The following CLDN4 variants were observed in gnomAD, a reference collection of about 807,000 sequenced individuals.
CLDN4 encodes claudin-4.
Under a neutral mutation model 13.7 loss-of-function variants are expected in CLDN4, and 12 were observed. The observed-to-expected ratio is 0.88, with a 90% CI of 0.56 to 1.42. The LOEUF (loss-of-function observed/expected upper bound fraction) is 1.42, where lower values mean the gene tolerates loss of function less well. CLDN4 is among the 40% of genes most tolerant of loss of function. The pLI is 0.00. For synonymous variants in CLDN4, 152 were observed against 140.6 expected, an observed-to-expected ratio of 1.08 and a Z score of -0.57; for missense variants, 252 against 297.4, an observed-to-expected ratio of 0.85 and a Z score of 1.12.
In CLDN4 at chr7:73,831,893, G is replaced by A; in HGVS notation, c.*62G>A. ...TCTTCCCTGGACTGAGCTCAGCGCAGGCTGTGACCCCAGGAGGGCCCTGCC... is the reference window on the plus strand; with the variant it reads ...TCTTCCCTGGACTGAGCTCAGCGCAAGCTGTGACCCCAGGAGGGCCCTGCC... On this transcript the variant is annotated 3_prime_UTR_variant, in exon 1 of 1. Transcript: ENST00000340958. 6.6e-7 allele frequency: 1 copy of A among 1,516,184 alleles called. No individual in the cohort carries two copies. Among genetic ancestry groups the A allele is most frequent in the Non-Finnish European group, 8.8e-7 (1 of 1,131,690 alleles). The allele number at this position is 1,516,184 out of a possible 1,614,324, so 93.9% of individuals were successfully genotyped here. A position where few individuals can be genotyped will look rare whatever the true frequency, so the allele number is the denominator to read the frequency against.
chr7:73,831,211 A>G lies in CLDN4; in HGVS notation c.10A>G (p.Met4Val). MAS[M>V]GLQVMGIALA... ...CCGTGGACGCTGAACAATGGCCTCC[A>G]TGGGGCTACAGGTAATGGGCATCGC... The change falls in exon 1 of 1, where the codon ATG (methionine) becomes GTG (valine). Residue 4 changes from methionine to valine, a missense_variant. Met to Val is a conservative substitution (Grantham distance 21, BLOSUM62 1). Transcript: ENST00000340958. 6.4e-6 allele frequency: 10 copies of G among 1,563,212 alleles called. No individual in the cohort carries two copies. The highest frequency in any genetic ancestry group is 8.7e-6 in the Non-Finnish European group (10 of 1,150,654).
At position 73,831,775 on chromosome 7, in the gene CLDN4, C is replaced by G. The variant is rs782320250; in HGVS notation, c.574C>G (p.Pro192Ala). Residue 192 changes from proline (P) to alanine (A), a missense_variant, in exon 1 of 1, where the codon CCT becomes GCT. By Grantham distance (27) the Pro-to-Ala change is conservative. Transcript: ENST00000340958. ...CAACTGTCCACCCCGCACAGACAAG[C>G]CTTACTCCGCCAAGTATTCTGCTGC... ...CCNCPPRTDK[P>A]YSAKYSAARS... 3.1e-6 allele frequency: 5 copies of G among 1,596,762 alleles called. No individual in the cohort carries two copies. In the South Asian group the frequency reaches 5.6e-5, roughly 18 times the overall value.
chr7:73,832,214 TCTC>T lies in CLDN4; in HGVS notation c.*387_*389del, dbSNP rs1482627622. 10 of 229,326 alleles carry T rather than the reference TCTC, an allele frequency of 4.4e-5. No homozygotes were observed. In the East Asian group the frequency reaches 8.9e-4, roughly 20 times the overall value. The allele number at this position is 229,326 out of a possible 1,614,324, so 14.2% of individuals were successfully genotyped here. A position where few individuals can be genotyped will look rare whatever the true frequency, so the allele number is the denominator to read the frequency against. ...ATTTTCCCCACTCTGTCTGCCTGCA[TCTC>T]CTCTGTTCCGGGTAGGCCTTGATAT... On this transcript the variant is annotated 3_prime_UTR_variant, in exon 1 of 1. Coordinates refer to ENST00000340958, the MANE Select transcript of CLDN4 (RefSeq NM_001305.5).
In CLDN4 at chr7:73,831,562, G is replaced by A. The variant is rs1265038600; in HGVS notation, c.361G>A (p.Ala121Thr). ...CGCCAAGGCCAAGACCATGATCGTG[G>A]CGGGCGTGGTGTTCCTGTTGGCCGG... ...ESAKAKTMIV[A>T]GVVFLLAGLM... The change falls in exon 1 of 1, where the codon GCG becomes ACG. Residue 121 changes from alanine (A) to threonine (T), a missense_variant. By Grantham distance (58) the Ala-to-Thr change is moderately conservative (BLOSUM62 0). Coordinates refer to ENST00000340958, the MANE Select transcript of CLDN4 (RefSeq NM_001305.5). The A allele has an allele frequency of 6.2e-7, 1 of 1,614,058 alleles. No individual in the cohort carries two copies. The highest frequency in any genetic ancestry group is 2.2e-5 in the East Asian group (1 of 44,898).
In CLDN4 at chr7:73,831,431, T is replaced by A; in HGVS notation, c.230T>A (p.Leu77Gln). Residue 77 changes from leucine (L) to glutamine (Q), a missense_variant, in exon 1 of 1, where the codon CTG becomes CAG. Leu to Gln is a moderately radical substitution (Grantham distance 113). Coordinates refer to ENST00000340958, the MANE Select transcript of CLDN4 (RefSeq NM_001305.5). ...TCGCTGCTGGCACTGCCGCAGGACCTGCAGGCGGCCCGCGCCCTCGTCATC... is the reference window on the plus strand; with the variant it reads ...TCGCTGCTGGCACTGCCGCAGGACCAGCAGGCGGCCCGCGCCCTCGTCATC... ...YDSLLALPQDLQAARALVIIS... is the reference protein window; with the variant it reads ...YDSLLALPQDQQAARALVIIS... The A allele has an allele frequency of 1.2e-6, 2 of 1,614,164 alleles. No homozygotes were observed. Among genetic ancestry groups the A allele is most frequent in the Non-Finnish European group, 1.7e-6 (2 of 1,180,028 alleles).
Position 73,831,108 on chromosome 7 carries a change from A to G in CLDN4, c.-94A>G. ...CACGGTGCAAAGGTGCACTCTGCGA[A>G]CGTTAAGTCCGTCCCCAGCGCTTGG... On this transcript the variant is annotated 5_prime_UTR_variant, in exon 1 of 1. Coordinates refer to ENST00000340958, the MANE Select transcript of CLDN4 (RefSeq NM_001305.5). 1 of 1,441,648 alleles carries G rather than the reference A, an allele frequency of 6.9e-7. No homozygotes were observed. Among genetic ancestry groups the G allele is most frequent in the Non-Finnish European group, 9.3e-7 (1 of 1,078,938 alleles). The allele number at this position is 1,441,648 out of a possible 1,614,324, so 89.3% of individuals were successfully genotyped here. A position where few individuals can be genotyped will look rare whatever the true frequency, so the allele number is the denominator to read the frequency against.
rs1788017345 is a variant in CLDN4, at chr7:73,831,043, T to G, written c.-159T>G. 1 of 863,524 alleles carries G rather than the reference T, an allele frequency of 1.2e-6. No homozygotes were observed. Among genetic ancestry groups the G allele is most frequent in the Admixed American group, 2.6e-5 (1 of 38,262 alleles). The allele number at this position is 863,524 out of a possible 1,614,324, so 53.5% of individuals were successfully genotyped here. A position where few individuals can be genotyped will look rare whatever the true frequency, so the allele number is the denominator to read the frequency against. ...CTGGAAGGAACTGGTCTGCTCACAC[T>G]TGCTGGCTTGCGCATCAGGACTGGC... On this transcript the variant is annotated 5_prime_UTR_variant, in exon 1 of 1. Transcript: ENST00000340958.
At position 73,832,023 on chromosome 7, in the gene CLDN4, CG is replaced by C; in HGVS notation, c.*193del. 1.6e-6 allele frequency: 1 copy of C among 643,454 alleles called. No homozygotes were observed. Among genetic ancestry groups the C allele is most frequent in the African/African-American group, 1.8e-5 (1 of 54,950 alleles). The allele number at this position is 643,454 out of a possible 1,614,324, so 39.9% of individuals were successfully genotyped here. ...GCCCACTCGGACAACTTCCCAAGGCCGCCTCCTGCTAGCAAGAACAGAGTCC... is the reference window on the plus strand; with the variant it reads ...GCCCACTCGGACAACTTCCCAAGGCCCCTCCTGCTAGCAAGAACAGAGTCC... On this transcript the variant is annotated 3_prime_UTR_variant, in exon 1 of 1. Transcript: ENST00000340958.
Position 73,832,440 on chromosome 7 carries a change from A to G in CLDN4, c.*609A>G. 1 of 167,860 alleles carries G rather than the reference A, an allele frequency of 6.0e-6. No homozygotes were observed. 10.4% of individuals were successfully genotyped at this position (167,860 alleles called of 1,614,324 possible). ...TCAGGTTGCCCAGCTCTGTGGCCTC[A>G]GGACTCTCTGCCTCACCCGCTTCAG... On this transcript the variant is annotated 3_prime_UTR_variant, in exon 1 of 1. Coordinates refer to ENST00000340958, the MANE Select transcript of CLDN4 (RefSeq NM_001305.5).
In CLDN4 at chr7:73,831,279, G is replaced by A. The variant is rs377764675; in HGVS notation, c.78G>A (p.Ala26=). ...GGCTGGCCGTCATGCTGTGCTGCGC[G>A]CTGCCCATGTGGCGCGTGACGGCCT... The part of the protein sequence containing the change: ...LGWLAVMLCC[A]LPMWRVTAFI... The change falls in exon 1 of 1, where the codon GCG becomes GCA. Residue 26 remains alanine, a synonymous_variant. Coordinates refer to ENST00000340958, the MANE Select transcript of CLDN4 (RefSeq NM_001305.5). 6.2e-6 allele frequency: 10 copies of A among 1,612,650 alleles called. No homozygotes were observed. Among genetic ancestry groups the A allele is most frequent in the African/African-American group, 1.3e-5 (1 of 74,930 alleles).
rs782093339 is a variant in CLDN4, at chr7:73,831,188, G to A, written c.-14G>A. ...TCAGCCTTCCAGGTCCTCAACTCCCGTGGACGCTGAACAATGGCCTCCATG... is the reference window on the plus strand; with the variant it reads ...TCAGCCTTCCAGGTCCTCAACTCCCATGGACGCTGAACAATGGCCTCCATG... On this transcript the variant is annotated 5_prime_UTR_variant, in exon 1 of 1. In the 5' UTR this introduces an upstream ATG that the reference lacks. Coordinates refer to ENST00000340958, the MANE Select transcript of CLDN4 (RefSeq NM_001305.5). 22 of 1,540,202 alleles carry A rather than the reference G, an allele frequency of 1.4e-5. No individual in the cohort carries two copies. Among genetic ancestry groups the A allele is most frequent in the South Asian group, 1.3e-4 (10 of 79,716 alleles).
chr7:73,831,003 C>T lies in CLDN4; in HGVS notation c.-199C>T. Reference sequence around the variant, plus strand: ...TCAACCTGTCCCCGAGAGAGAGTGCCCTGGCAGCTGTCGGCTGGAAGGAAC... The same window carrying T: ...TCAACCTGTCCCCGAGAGAGAGTGCTCTGGCAGCTGTCGGCTGGAAGGAAC... On this transcript the variant is annotated 5_prime_UTR_variant, in exon 1 of 1. Transcript: ENST00000340958. 1.8e-6 allele frequency: 1 copy of T among 566,550 alleles called. No individual in the cohort carries two copies. The highest frequency in any genetic ancestry group is 3.0e-6 in the Non-Finnish European group (1 of 338,546). 35.1% of individuals were successfully genotyped at this position (566,550 alleles called of 1,614,324 possible).
In CLDN4 at chr7:73,832,456, CCCG is replaced by C; in HGVS notation, c.*627_*629del. 6.0e-6 allele frequency: 1 copy of C among 167,434 alleles called. No homozygotes were observed. Among genetic ancestry groups the C allele is most frequent in the East Asian group, 1.9e-4 (1 of 5,172 alleles). The allele number at this position is 167,434 out of a possible 1,614,324, so 10.4% of individuals were successfully genotyped here. On this transcript the variant is annotated 3_prime_UTR_variant, in exon 1 of 1. Transcript: ENST00000340958. ...TGTGGCCTCAGGACTCTCTGCCTCA[CCCG>C]CTTCAGCCCAGGGCCCCTGGAGACT...
Position 73,831,726 on chromosome 7 carries a change from C to G in CLDN4, c.525C>G (p.Leu175=). 1 of 1,613,518 alleles carries G rather than the reference C, an allele frequency of 6.2e-7. No homozygotes were observed. The highest frequency in any genetic ancestry group is 1.1e-5 in the South Asian group (1 of 91,002). Residue 175 remains leucine, a synonymous_variant, in exon 1 of 1, where the codon CTC becomes CTG. Transcript: ENST00000340958. ...GCTGGGCCGCCTCCGGCCTGCTGCT[C>G]CTTGGCGGGGGGCTGCTTTGCTGCA... ...YVGWAASGLL[L]LGGGLLCCNC...
chr7:73,832,059 T>C lies in CLDN4; in HGVS notation c.*228T>C. On this transcript the variant is annotated 3_prime_UTR_variant, in exon 1 of 1. Coordinates refer to ENST00000340958, the MANE Select transcript of CLDN4 (RefSeq NM_001305.5). ...AGCAAGAACAGAGTCCACCCTCCTC[T>C]GGATATTGGGGAGGGACGGAAGTGA... The C allele has an allele frequency of 1.9e-6, 1 of 520,116 alleles. No individual in the cohort carries two copies. Among genetic ancestry groups the C allele is most frequent in the Non-Finnish European group, 3.4e-6 (1 of 293,524 alleles). 32.2% of individuals were successfully genotyped at this position (520,116 alleles called of 1,614,324 possible). A position where few individuals can be genotyped will look rare whatever the true frequency, so the allele number is the denominator to read the frequency against.
Position 73,831,164 on chromosome 7 carries a change from C to A in CLDN4, c.-38C>A. On this transcript the variant is annotated 5_prime_UTR_variant, in exon 1 of 1. Transcript: ENST00000340958. ...TACGGCCCCCACAGCCGGATCCCCT[C>A]AGCCTTCCAGGTCCTCAACTCCCGT... 3 of 1,521,518 alleles carry A rather than the reference C, an allele frequency of 2.0e-6. No individual in the cohort carries two copies. Among genetic ancestry groups the A allele is most frequent in the Non-Finnish European group, 2.6e-6 (3 of 1,137,314 alleles). The allele number at this position is 1,521,518 out of a possible 1,614,324, so 94.3% of individuals were successfully genotyped here.
chr7:73,831,318 C>CA lies in CLDN4; in HGVS notation c.118dup (p.Ile40AsnfsTer72), dbSNP rs1554634045. ...GCGTGACGGCCTTCATCGGCAGCAA[C>CA]ATTGTCACCTCGCAGACCATCTGGG... is the stretch of plus-strand genomic sequence containing the variant. On this transcript the variant is annotated frameshift_variant, in exon 1 of 1. Transcript: ENST00000340958. LOFTEE classifies it high-confidence loss of function. The CA allele has an allele frequency of 1.1e-5, 17 of 1,613,962 alleles. No homozygotes were observed. The highest frequency in any genetic ancestry group is 1.4e-5 in the Non-Finnish European group (17 of 1,179,958).
chr7:73,831,270 G>A lies in CLDN4; in HGVS notation c.69G>A (p.Leu23=), dbSNP rs1788024115. The change falls in exon 1 of 1, where the codon CTG becomes CTA. Residue 23 remains leucine, a synonymous_variant. Transcript: ENST00000340958. ...TCCTGGGCTGGCTGGCCGTCATGCT[G>A]TGCTGCGCGCTGCCCATGTGGCGCG... The part of the protein sequence containing the change: ...LAVLGWLAVM[L]CCALPMWRVT... The A allele has an allele frequency of 6.2e-7, 1 of 1,611,456 alleles. No homozygotes were observed. Among genetic ancestry groups the A allele is most frequent in the African/African-American group, 1.3e-5 (1 of 74,922 alleles).
Position 73,831,107 on chromosome 7 carries a change from A to G in CLDN4, c.-95A>G. The G allele has an allele frequency of 1.4e-6, 2 of 1,432,364 alleles. No homozygotes were observed. Among genetic ancestry groups the G allele is most frequent in the Non-Finnish European group, 1.9e-6 (2 of 1,070,378 alleles). The allele number at this position is 1,432,364 out of a possible 1,614,324, so 88.7% of individuals were successfully genotyped here. ...TCACGGTGCAAAGGTGCACTCTGCG[A>G]ACGTTAAGTCCGTCCCCAGCGCTTG... On this transcript the variant is annotated 5_prime_UTR_variant, in exon 1 of 1. Transcript: ENST00000340958.
Sources: gnomAD v4.1 joint callset for allele counts on GRCh38, gnomAD v4.1.1 for gene constraint, MANE v1.5 for transcripts, NCBI Gene and HGNC (gene_info 2026-07-23, HGNC 2026-07-21) for gene names.